The following KLF12 variants were observed in gnomAD, a reference collection of about 807,000 sequenced individuals.
KLF12 encodes the protein Krueppel-like factor 12.
KLF12 carries 9 observed loss-of-function variants against 37.8 expected under a neutral mutation model. The ratio of observed to expected loss-of-function variants is 0.24; its 90% CI spans 0.14 to 0.42. The LOEUF (loss-of-function observed/expected upper bound fraction) is 0.42. Ranked by LOEUF, KLF12 falls within the 10% of genes least tolerant of loss-of-function variation. The probability of loss-of-function intolerance (pLI) is 1.00; values close to 1 mark genes in which losing one functional copy is unlikely to be tolerated. For missense variants in KLF12, 411 were observed against 516.0 expected (o/e 0.80, Z 1.97); for synonymous variants, 208 against 202.1 (o/e 1.03, Z -0.25).
chr13:74,180,851 G>C, the KLF12 span, among the ~76,000 whole-genome samples: 75 of 152,214 alleles, frequency 4.9e-4, no homozygotes, highest in African/African-American at 1.7e-3. Flanking sequence ...TTAAAATATA[G>C]CTGAGGATAA....
intron 3 of KLF12, among the ~76,000 whole-genome samples, chr13:73,860,522 C>G (rs1594181401): frequency 1.3e-5 from 2 of 152,176 alleles, no homozygotes; most frequent in Non-Finnish European, 2.9e-5. Flanking sequence ...GTTGCTCGAG[C>G]TCAGGAGTTT....
the KLF12 span, among the ~76,000 whole-genome samples, chr13:74,245,647 G>C: frequency 2.0e-5 from 3 of 152,230 alleles, no homozygotes; most frequent in Non-Finnish European, 2.9e-5. Context: ...CTGGCTGAGA[G>C]TTCTTACCAT....
chr13:74,292,948 C>G, the KLF12 span, among the ~76,000 whole-genome samples: 1 of 152,156 alleles, frequency 6.6e-6, no homozygotes, highest in African/African-American at 2.4e-5. Flanking sequence ...TAGCAGATTC[C>G]TAAAAATCAT....
At chr13:74,070,910 C>T (rs1227466395) in intron 1 of KLF12, among the ~76,000 whole-genome samples, 3 of 152,142 alleles carry the variant, frequency 2.0e-5, no homozygotes, top group African/African-American at 7.2e-5. Flanking sequence ...TGTGAATAAA[C>T]AGGAAGTGGG....
At chr13:73,887,718 G>C (rs1887298785) in intron 3 of KLF12, among the ~76,000 whole-genome samples, 1 of 112,042 alleles carries the variant, frequency 8.9e-6, no homozygotes, top group East Asian at 2.2e-4. Flanking sequence ...TTGTTCACAT[G>C]GTTTTACAAA....
the KLF12 span, among the ~76,000 whole-genome samples, chr13:74,251,511 T>C: frequency 6.6e-6 from 1 of 152,176 alleles, no homozygotes; most frequent in Non-Finnish European, 1.5e-5. Flanking sequence ...AAAACTTCAT[T>C]GTGGCTGGAC....
At chr13:73,743,022 T>TAA (rs61569247) in intron 6 of KLF12, among the ~76,000 whole-genome samples, 8,173 of 147,706 alleles carry the variant, frequency 0.055, 273 homozygotes, top group Non-Finnish European at 0.084. Context: ...TCTTCGGGAT[T>TAA]AAAAAAAAAA....
upstream of KLF12, among the ~76,000 whole-genome samples, chr13:74,135,685 G>A (rs966038144): frequency 2.0e-5 from 3 of 151,994 alleles, no homozygotes; most frequent in Non-Finnish European, 4.4e-5. Context: ...GGGCACGACA[G>A]TATTCCCCTG....
chr13:74,056,750 T>C (rs1278202272), intron 1 of KLF12, among the ~76,000 whole-genome samples: 1 of 152,210 alleles, frequency 6.6e-6, no homozygotes, highest in Non-Finnish European at 1.5e-5. Flanking sequence ...ACCATAATTA[T>C]TTTTGGCTTT....
chr13:73,748,243 G>C (rs1426400171), intron 6 of KLF12, among the ~76,000 whole-genome samples: 2 of 152,172 alleles, frequency 1.3e-5, no homozygotes, highest in South Asian at 4.1e-4. Context: ...TGATGTTTAA[G>C]TTTTAAGGGA....
At chr13:73,860,256 A>AG (rs1333034315) in intron 3 of KLF12, among the ~76,000 whole-genome samples, 33 of 152,318 alleles carry the variant, frequency 2.2e-4, no homozygotes, top group African/African-American at 7.0e-4. Context: ...GTGCTTCCAA[A>AG]GCACTCTGAA....
rs1888689222 is a variant in KLF12 at position 73,913,846 on chromosome 13, CA to C, written c.123+30134del. Among the ~76,000 whole-genome samples, 3 of 152,122 alleles carry C rather than the reference CA, an allele frequency of 2.0e-5. No homozygotes were observed. In the South Asian group the frequency reaches 6.2e-4, roughly 32 times the overall value. ...TTAAAACTGTACAAGTAGCATGGGC[CA>C]AATTTCTAAACATGGTGATACAAAC... is the stretch of plus-strand genomic sequence containing the variant. On this transcript the variant is annotated intron_variant, in intron 3 of 7. Coordinates refer to ENST00000377669, the MANE Select transcript of KLF12 (RefSeq NM_007249.5).
intron 4 of KLF12, among the ~76,000 whole-genome samples, chr13:73,832,228 T>G (rs1247990786): frequency 2.0e-5 from 3 of 152,002 alleles, no homozygotes; most frequent in Admixed American, 6.6e-5. Flanking sequence ...TTCTCTACTC[T>G]CATTATTTAC....
intron 1 of KLF12, among the ~76,000 whole-genome samples, chr13:74,128,229 T>C (rs1227021139): frequency 6.6e-6 from 1 of 152,204 alleles, no homozygotes; most frequent in Non-Finnish European, 1.5e-5. Flanking sequence ...AAATCTCTGG[T>C]GAGACAGGAA....
chr13:74,267,003 C>A, the KLF12 span, among the ~76,000 whole-genome samples: 2 of 152,262 alleles, frequency 1.3e-5, no homozygotes, highest in East Asian at 3.9e-4. Flanking sequence ...GAATGCTTAT[C>A]AAGAGTCTCT....
intron 7 of KLF12, among the ~76,000 whole-genome samples, chr13:73,704,184 A>G (rs1293984306): frequency 6.6e-6 from 1 of 152,046 alleles, no homozygotes; most frequent in African/African-American, 2.4e-5. Flanking sequence ...CTCTTGGCTC[A>G]TATGTCTTCC....
At chr13:74,212,488 A>G in the KLF12 span, among the ~76,000 whole-genome samples, 2 of 152,196 alleles carry the variant, frequency 1.3e-5, no homozygotes, top group East Asian at 1.9e-4. Flanking sequence ...TTGGAGTTTC[A>G]TTAAGAAGAG....
At chr13:73,984,083 A>G (rs561859287) in intron 2 of KLF12, among the ~76,000 whole-genome samples, 4 of 152,362 alleles carry the variant, frequency 2.6e-5, no homozygotes, top group East Asian at 3.9e-4. Context: ...ATAATCCTCT[A>G]TAAGATCCTC....
the KLF12 span, among the ~76,000 whole-genome samples, chr13:74,168,966 T>C: frequency 6.6e-6 from 1 of 152,222 alleles, no homozygotes; most frequent in Non-Finnish European, 1.5e-5. Context: ...TTCCTGGCTG[T>C]GCAGAGAGTA....
Sources: gnomAD v4.1 joint callset for allele counts (sites outside exome capture counted in the v4.1 genomes callset) on GRCh38, gnomAD v4.1.1 for gene constraint, MANE v1.5 for transcripts, NCBI Gene and HGNC (gene_info 2026-07-23, HGNC 2026-07-21) for gene names.